The following CILP variants were observed in gnomAD, a reference collection of about 807,000 sequenced individuals.
CILP encodes the protein cartilage intermediate layer protein.
Under a neutral mutation model 82.5 loss-of-function variants are expected in CILP, and 75 were observed. The ratio of observed to expected loss-of-function variants is 0.91; its 90% CI spans 0.75 to 1.10. The LOEUF (loss-of-function observed/expected upper bound fraction) is 1.10. Ranked by LOEUF, CILP falls within the 50% of genes least tolerant of loss-of-function variation. The pLI is 0.00. For synonymous variants in CILP, 530 were observed against 580.3 expected (o/e 0.91, Z 1.25); for missense variants, 1,479 against 1,530.8 (o/e 0.97, Z 0.56).
rs2088395349 is a variant in CILP at position 65,197,970 on chromosome 15, C to A, written c.2316G>T (p.Gly772=). Residue 772 remains glycine (G), a synonymous_variant, in exon 9 of 9, where the codon GGG becomes GGT. Coordinates refer to ENST00000261883, the MANE Select transcript of CILP (RefSeq NM_003613.4). ...ERFLPSEQIQ[G]VVISVINLEP... ...CCAGGTTAATCACGGAGATCACAAC[C>A]CCCTGGATCTGCTCACTAGGCAAGA... 1 of 1,614,040 alleles carries A rather than the reference C, an allele frequency of 6.2e-7. No homozygotes were observed. The highest frequency in any genetic ancestry group is 1.7e-5 in the Admixed American group (1 of 60,006).
chr15:65,197,225 C>G lies in CILP; in HGVS notation c.3061G>C (p.Asp1021His). ...GGGATGACCTTCACCAGGGTGCGGT[C>G]CACACGGTCCTGATCATAGAGCATC... ...SGMLYDQDRV[D>H]RTLVKVIPQG... is the part of the protein sequence containing the mutation. The change falls in exon 9 of 9, where the codon GAC becomes CAC. Residue 1021 changes from aspartate (D) to histidine (H), a missense_variant. Physicochemically the swap from Asp to His is moderately conservative, Grantham distance 81. Coordinates refer to ENST00000261883, the MANE Select transcript of CILP (RefSeq NM_003613.4). The G allele has an allele frequency of 6.2e-7, 1 of 1,614,094 alleles. No individual in the cohort carries two copies. The highest frequency in any genetic ancestry group is 2.2e-5 in the East Asian group (1 of 44,882).
intron 8 of CILP, among the ~76,000 whole-genome samples, chr15:65,199,485 A>G (rs996634932): frequency 3.9e-5 from 6 of 152,212 alleles, no homozygotes; most frequent in Non-Finnish European, 7.3e-5. Flanking sequence ...CAACTTTCAC[A>G]TATCCCACCA....
intron 6 of CILP, among the ~76,000 whole-genome samples, chr15:65,203,981 G>C (rs1232432527): frequency 6.6e-6 from 1 of 152,246 alleles, no homozygotes; most frequent in Non-Finnish European, 1.5e-5. Context: ...ATTCTAAACA[G>C]AATACATGCA....
At chr15:65,199,185 T>C (rs1011661520) in intron 8 of CILP, 86 bp from the exon 9 acceptor site, 2 of 941,992 alleles carry the variant, frequency 2.1e-6, no homozygotes, top group Non-Finnish European at 3.1e-6. Flanking sequence ...TACAGTATTC[T>C]ATGGTTTTCA....
Position 65,197,467 on chromosome 15 carries a change from T to C in CILP, c.2819A>G (p.Asp940Gly). 9 of 1,614,208 alleles carry C rather than the reference T, an allele frequency of 5.6e-6. No homozygotes were observed. The highest frequency in any genetic ancestry group is 7.6e-6 in the Non-Finnish European group (9 of 1,180,044). Residue 940 changes from aspartate (D) to glycine (G), a missense_variant, in exon 9 of 9, where the codon GAC becomes GGC. Coordinates refer to ENST00000261883, the MANE Select transcript of CILP (RefSeq NM_003613.4). ...CGGCTTTGGCCACCATGCCAGATAG[T>C]CTTCAGTCCAGCTCATAGGGTCATC... Reference protein sequence around the residue: ...NEDDPMSWTEDYLAWWPKPME... With the variant: ...NEDDPMSWTEGYLAWWPKPME...
In CILP at chr15:65,205,387, A is replaced by G. The variant is rs753814721; in HGVS notation, c.504T>C (p.Thr168=). The G allele has an allele frequency of 1.2e-6, 2 of 1,614,076 alleles. No individual in the cohort carries two copies. The highest frequency in any genetic ancestry group is 1.7e-6 in the Non-Finnish European group (2 of 1,180,022). Reference sequence around the variant, plus strand: ...AAATGCGTGTGCGAGTCTGGACCCCAGTCTGACCACAGGCAGCTGAGCACT... The same window carrying G: ...AAATGCGTGTGCGAGTCTGGACCCCGGTCTGACCACAGGCAGCTGAGCACT... ...WSKCSAACGQ[T]GVQTRTRICL... The change falls in exon 5 of 9, where the codon ACT becomes ACC. Residue 168 remains threonine, a synonymous_variant. Transcript: ENST00000261883.
In CILP at chr15:65,198,560, G is replaced by A. The variant is rs1163008674; in HGVS notation, c.1726C>T (p.Pro576Ser). 1 of 1,614,082 alleles carries A rather than the reference G, an allele frequency of 6.2e-7. No individual in the cohort carries two copies. Among genetic ancestry groups the A allele is most frequent in the East Asian group, 2.2e-5 (1 of 44,888 alleles). ...GTCTCCATGGCTTCCAAAGTGATGGGCTTTTTCCGACGAAGCATCTTGATT... is the reference window on the plus strand; with the variant it reads ...GTCTCCATGGCTTCCAAAGTGATGGACTTTTTCCGACGAAGCATCTTGATT... ...HEIKMLRRKKPITLEAMETNI... is the reference protein window; with the variant it reads ...HEIKMLRRKKSITLEAMETNI... The change falls in exon 9 of 9, where the codon CCC becomes TCC. Residue 576 changes from proline to serine, a missense_variant. Physicochemically the swap from Pro to Ser is moderately conservative, Grantham distance 74 (BLOSUM62 -1). Coordinates refer to ENST00000261883, the MANE Select transcript of CILP (RefSeq NM_003613.4).
intron 5 of CILP, among the ~76,000 whole-genome samples, chr15:65,204,878 G>A (rs991234103): frequency 2.6e-5 from 4 of 152,106 alleles, no homozygotes; most frequent in Non-Finnish European, 5.9e-5. Flanking sequence ...AATTAGCTGG[G>A]CATGGTGACA....
chr15:65,201,579 A>C (rs1239756480), intron 8 of CILP, among the ~76,000 whole-genome samples: 2 of 151,942 alleles, frequency 1.3e-5, no homozygotes, highest in African/African-American at 4.8e-5. Flanking sequence ...AAATATAAAA[A>C]TTAGCCAGAT....
Position 65,209,694 on chromosome 15 carries a change from C to T in CILP, c.61+1G>A, listed in dbSNP as rs2140684964. The T allele has an allele frequency of 2.5e-6, 4 of 1,614,012 alleles. No individual in the cohort carries two copies. The highest frequency in any genetic ancestry group is 4.5e-5 in the East Asian group (2 of 44,864). On this transcript the variant is annotated splice_donor_variant, in intron 2 of 8. Coordinates refer to ENST00000261883, the MANE Select transcript of CILP (RefSeq NM_003613.4). LOFTEE classifies it high-confidence loss of function. Reference sequence around the variant, plus strand: ...GGAGCCAGCAGATACTTAGCCTATACCCAACACAGATGTGACTTCCAGGAC... The same window carrying T: ...GGAGCCAGCAGATACTTAGCCTATATCCAACACAGATGTGACTTCCAGGAC...
At chr15:65,201,747 A>AAAG (rs2088456876) in intron 8 of CILP, 125 bp downstream of exon 8, 43 of 392,142 alleles carry the variant, frequency 1.1e-4, no homozygotes, top group East Asian at 2.8e-4. Flanking sequence ...AAAAAAAAAA[A>AAAG]AAAGAAAGAA....
Position 65,196,866 on chromosome 15 carries a change from G to A in CILP, c.3420C>T (p.Ser1140=). 6.2e-7 allele frequency: 1 copy of A among 1,613,902 alleles called. No homozygotes were observed. The highest frequency in any genetic ancestry group is 1.3e-5 in the African/African-American group (1 of 75,046). ...FQYLQSTPAQ[S]PAAGTVQGRV... ...TTCCTTGGACAGTGCCTGCAGCAGG[G>A]GACTGGGCTGGGGTGCTTTGGAGGT... The change falls in exon 9 of 9, where the codon TCC becomes TCT. Residue 1140 remains serine (S), a synonymous_variant. Coordinates refer to ENST00000261883, the MANE Select transcript of CILP (RefSeq NM_003613.4).
chr15:65,206,904 G>A lies in CILP; in HGVS notation c.302C>T (p.Pro101Leu). The A allele has an allele frequency of 1.2e-6, 2 of 1,613,944 alleles. No homozygotes were observed. Among genetic ancestry groups the A allele is most frequent in the South Asian group, 2.2e-5 (2 of 91,078 alleles). ...GACCACCTGGCCAGTGCTGCCCGCA[G>A]GTGTCCAGTCAGTGGTCCGAGCCTC... Reference protein sequence around the residue: ...RLEARTTDWTPAGSTGQVVHG... With the variant: ...RLEARTTDWTLAGSTGQVVHG... Residue 101 changes from proline (P) to leucine (L), a missense_variant, in exon 4 of 9, where the codon CCT becomes CTT. Transcript: ENST00000261883.
At position 65,195,482 on chromosome 15, in the gene CILP, C is replaced by T. The variant is rs975234013; in HGVS notation, c.*1249G>A. 6.6e-6 allele frequency: 1 copy of T among 152,250 alleles called. No homozygotes were observed. The highest frequency in any genetic ancestry group is 1.5e-5 in the Non-Finnish European group (1 of 68,056). 9.4% of individuals were successfully genotyped at this position (152,250 alleles called of 1,614,324 possible). A position where few individuals can be genotyped will look rare whatever the true frequency, so the allele number is the denominator to read the frequency against. Reference sequence around the variant, plus strand: ...ACTATTTTAAACCAAATACCTTTTCCAAAACCAAAACTCTGCCCGTTTGGA... The same window carrying T: ...ACTATTTTAAACCAAATACCTTTTCTAAAACCAAAACTCTGCCCGTTTGGA... On this transcript the variant is annotated 3_prime_UTR_variant, in exon 9 of 9. Coordinates refer to ENST00000261883, the MANE Select transcript of CILP (RefSeq NM_003613.4).
In CILP at chr15:65,197,039, C is replaced by G. The variant is rs774266431; in HGVS notation, c.3247G>C (p.Asp1083His). 2 of 1,614,184 alleles carry G rather than the reference C, an allele frequency of 1.2e-6. No individual in the cohort carries two copies. Among genetic ancestry groups the G allele is most frequent in the Admixed American group, 3.3e-5 (2 of 60,030 alleles). ...NYGIYTVTDQ[D>H]PRTAKEIALG... is the part of the protein sequence containing the mutation. ...GCGATCTCCTTGGCCGTGCGAGGGT[C>G]CTGGTCAGTGACAGTGTAGATGCCA... is the stretch of plus-strand genomic sequence containing the variant. The change falls in exon 9 of 9, where the codon GAC becomes CAC. Residue 1083 changes from aspartate to histidine, a missense_variant. By Grantham distance (81) the Asp-to-His change is moderately conservative. Transcript: ENST00000261883.
chr15:65,205,141 T>A, intron 5 of CILP, 146 bp downstream of exon 5: 1 of 750,940 alleles, frequency 1.3e-6, no homozygotes, highest in Non-Finnish European at 2.2e-6. Flanking sequence ...ATATCTCTCA[T>A]TAGGGCACAT....
At position 65,207,766 on chromosome 15, in the gene CILP, T is replaced by A. The variant is rs781284394; in HGVS notation, c.62-2A>T. The A allele has an allele frequency of 1.9e-6, 3 of 1,613,446 alleles. No homozygotes were observed. In the African/African-American group the frequency reaches 4.0e-5, roughly 22 times the overall value. ...ACTGGGTGAGCATCGTCTGTCTCCC[T>A]GAGGGCCAGAAGGAGAAGCTAAGTG... On this transcript the variant is annotated splice_acceptor_variant, in intron 2 of 8. Coordinates refer to ENST00000261883, the MANE Select transcript of CILP (RefSeq NM_003613.4). LOFTEE classifies it high-confidence loss of function.
chr15:65,201,014 T>G (rs1362180652), intron 8 of CILP, among the ~76,000 whole-genome samples: 1 of 152,176 alleles, frequency 6.6e-6, no homozygotes, highest in African/African-American at 2.4e-5. Flanking sequence ...TTCTTCTTTT[T>G]TTTTTGAGAC....
rs1259007383 is a variant in CILP at position 65,194,969 on chromosome 15, G to C, written c.*1762C>G. Reference sequence around the variant, plus strand: ...GGCTGGGGCGATGGTGCTGCAGATAGCTGTGCACTCACAACAGGGGCAGTC... The same window carrying C: ...GGCTGGGGCGATGGTGCTGCAGATACCTGTGCACTCACAACAGGGGCAGTC... On this transcript the variant is annotated 3_prime_UTR_variant, in exon 9 of 9. Transcript: ENST00000261883. 6.6e-6 allele frequency: 1 copy of C among 151,134 alleles called. No individual in the cohort carries two copies. Among genetic ancestry groups the C allele is most frequent in the African/African-American group, 2.4e-5 (1 of 41,072 alleles). The allele number at this position is 151,134 out of a possible 1,614,324, so 9.4% of individuals were successfully genotyped here. A position where few individuals can be genotyped will look rare whatever the true frequency, so the allele number is the denominator to read the frequency against.
Sources: allele counts gnomAD v4.1 joint callset (sites outside exome capture counted in the v4.1 genomes callset), GRCh38; gene constraint gnomAD v4.1.1; transcripts MANE v1.5; gene names NCBI Gene and HGNC (gene_info 2026-07-23, HGNC 2026-07-21).